Variants in DLGAP2 observed in about 807,000 individuals in gnomAD.
DLGAP2 encodes DLG associated protein 2.
Under a neutral mutation model 100.3 loss-of-function variants are expected in DLGAP2, and 26 were observed. That is an observed-to-expected ratio of 0.26 (90% CI 0.19 to 0.36). The LOEUF (loss-of-function observed/expected upper bound fraction) is 0.36, where lower values mean the gene tolerates loss of function less well. Ranked by LOEUF, DLGAP2 falls within the 10% of genes least tolerant of loss-of-function variation. DLGAP2 has a pLI of 1.00. For synonymous variants in DLGAP2, 886 were observed against 630.1 expected, an observed-to-expected ratio of 1.41 and a Z score of -6.08; for missense variants, 1,858 against 1,453.2, an observed-to-expected ratio of 1.28 and a Z score of -4.53.
intron 5 of DLGAP2, among the ~76,000 whole-genome samples, chr8:1,560,461 T>C (rs1362809077): frequency 2.0e-5 from 3 of 152,162 alleles, no homozygotes; most frequent in African/African-American, 4.8e-5. Context: ...TTGTAAGCCA[T>C]CCCCTATGAT....
chr8:1,255,038 A>T lies in DLGAP2; in HGVS notation c.74-3813A>T, dbSNP rs113524354. Among the ~76,000 whole-genome samples the T allele has an allele frequency of 1.2e-3, 116 of 99,572 alleles. 4 individuals carry two copies. The highest frequency in any genetic ancestry group is 6.7e-3 in the Middle Eastern group (1 of 150). The allele number at this position is 99,572 out of a possible 152,430, so 65.3% of individuals were successfully genotyped here. ...GCTGTGTGTGTGTCTTCTCCTGCCCAGCCGCTGTGTGTGTGTCCTCTCATC... is the reference window on the plus strand; with the variant it reads ...GCTGTGTGTGTGTCTTCTCCTGCCCTGCCGCTGTGTGTGTGTCCTCTCATC... On this transcript the variant is annotated intron_variant, in intron 2 of 14. Coordinates refer to ENST00000637795, the MANE Select transcript of DLGAP2 (RefSeq NM_001346810.2).
chr8:1,422,419 G>A (rs140485592), intron 3 of DLGAP2, among the ~76,000 whole-genome samples: 2 of 152,320 alleles, frequency 1.3e-5, no homozygotes, highest in South Asian at 4.1e-4. Context: ...AGGGAGAAAA[G>A]CGAAGATGGC....
At chr8:1,295,521 C>T (rs1183034399) in intron 3 of DLGAP2, among the ~76,000 whole-genome samples, 1 of 152,190 alleles carries the variant, frequency 6.6e-6, no homozygotes, top group African/African-American at 2.4e-5. Context: ...TGGAGCACCC[C>T]AGCCATCCTG....
Position 1,173,427 on chromosome 8 carries a change from C to T in DLGAP2, c.74-85424C>T, listed in dbSNP as rs557305723. On this transcript the variant is annotated intron_variant, in intron 2 of 14. Coordinates refer to ENST00000637795, the MANE Select transcript of DLGAP2 (RefSeq NM_001346810.2). ...TCTCTTCAAAGCTGTCAGACAGGGA[C>T]ATTTAAGTCTGCAGAGGCTACTGCT... is the stretch of plus-strand genomic sequence containing the variant. Among the ~76,000 whole-genome samples, 7 of 152,328 alleles carry T rather than the reference C, an allele frequency of 4.6e-5. No individual in the cohort carries two copies. In the East Asian group the frequency reaches 9.7e-4, roughly 21 times the overall value.
At chr8:1,214,907 C>T (rs954534962) in intron 2 of DLGAP2, among the ~76,000 whole-genome samples, 1 of 152,222 alleles carries the variant, frequency 6.6e-6, no homozygotes, top group African/African-American at 2.4e-5. Flanking sequence ...TTAATTGGGG[C>T]AGTTGCTTCC....
At chr8:1,233,182 A>T (rs1301387807) in intron 2 of DLGAP2, among the ~76,000 whole-genome samples, 6 of 152,138 alleles carry the variant, frequency 3.9e-5, no homozygotes, top group African/African-American at 1.4e-4. Context: ...CATTGTATTT[A>T]TCTGTTTGTC....
intron 3 of DLGAP2, chr8:1,262,520 C>T (rs1474848562): frequency 1.3e-5 from 2 of 152,084 alleles, no homozygotes; most frequent in Admixed American, 6.6e-5. Context: ...AATGCAGTTT[C>T]TACAGGGTTC....
Position 1,632,975 on chromosome 8 carries a change from A to T in DLGAP2, c.1739A>T (p.Tyr580Phe). 2 of 1,613,828 alleles carry T rather than the reference A, an allele frequency of 1.2e-6. No homozygotes were observed. The highest frequency in any genetic ancestry group is 1.7e-6 in the Non-Finnish European group (2 of 1,179,878). Residue 580 changes from tyrosine to phenylalanine, a missense_variant, in exon 8 of 15, where the codon TAC (tyrosine) becomes TTC (phenylalanine). By Grantham distance (22) the Tyr-to-Phe change is conservative. Transcript: ENST00000637795. Reference protein sequence around the residue: ...HSYLRAIQAGYSQDDECIPMM... With the variant: ...HSYLRAIQAGFSQDDECIPMM... ...TACCTTCGAGCCATTCAAGCCGGCT[A>T]CTCCCAAGATGACGAATGTATTCCC...
At chr8:1,655,790 G>C (rs532738112) in intron 8 of DLGAP2, among the ~76,000 whole-genome samples, 6 of 152,338 alleles carry the variant, frequency 3.9e-5, no homozygotes, top group African/African-American at 1.4e-4. Flanking sequence ...TTCATGATCA[G>C]AGTCCTCTGC....
intron 2 of DLGAP2, among the ~76,000 whole-genome samples, chr8:1,184,031 A>G (rs1163424842): frequency 1.3e-5 from 2 of 152,228 alleles, no homozygotes; most frequent in African/African-American, 4.8e-5. Flanking sequence ...ATATTATATG[A>G]TGGTCATAGA....
intron 3 of DLGAP2, among the ~76,000 whole-genome samples, chr8:1,260,797 G>C (rs1007688187): frequency 6.6e-6 from 1 of 152,222 alleles, no homozygotes; most frequent in African/African-American, 2.4e-5. Flanking sequence ...GGCTGGCGCA[G>C]GCTGACTTGA....
chr8:1,159,615 A>C (rs1270571842), intron 2 of DLGAP2, among the ~76,000 whole-genome samples: 1 of 152,328 alleles, frequency 6.6e-6, no homozygotes, highest in Admixed American at 6.5e-5. Context: ...ACAACAGAGA[A>C]AGAATACCTG....
chr8:1,344,378 C>A (rs113069846), intron 3 of DLGAP2, among the ~76,000 whole-genome samples: 4 of 152,198 alleles, frequency 2.6e-5, no homozygotes, highest in African/African-American at 9.6e-5. Context: ...AGCTGTGAAT[C>A]CTCCAGAGAG....
intron 3 of DLGAP2, among the ~76,000 whole-genome samples, chr8:1,294,546 G>A (rs1000548283): frequency 7.2e-5 from 11 of 152,206 alleles, no homozygotes; most frequent in African/African-American, 2.7e-4. Flanking sequence ...TTTACAGCGA[G>A]GATGGTGTGG....
chr8:1,243,444 C>T (rs991215596), intron 2 of DLGAP2, among the ~76,000 whole-genome samples: 1 of 152,188 alleles, frequency 6.6e-6, no homozygotes, highest in African/African-American at 2.4e-5. Flanking sequence ...CATCTGAGGC[C>T]AGATGTTCTG....
intron 1 of DLGAP2, among the ~76,000 whole-genome samples, chr8:751,010 C>T (rs916439677): frequency 6.6e-6 from 1 of 152,196 alleles, no homozygotes; most frequent in Non-Finnish European, 1.5e-5. Flanking sequence ...TGTCGGTAGG[C>T]ACGCTGATCT....
intron 3 of DLGAP2, among the ~76,000 whole-genome samples, chr8:1,360,804 G>A (rs553236543): frequency 6.6e-6 from 1 of 152,260 alleles, no homozygotes; most frequent in East Asian, 1.9e-4. Flanking sequence ...CCAGAGGCAC[G>A]AGGAAACAGT....
At chr8:1,658,829 C>T (rs1379451810) in intron 8 of DLGAP2, among the ~76,000 whole-genome samples, 4 of 152,086 alleles carry the variant, frequency 2.6e-5, no homozygotes, top group Non-Finnish European at 4.4e-5. Context: ...TCTCTATCTC[C>T]TTCAGTTCTG....
chr8:1,255,071 G>C (rs1585196733), intron 2 of DLGAP2, among the ~76,000 whole-genome samples: 1 of 141,984 alleles, frequency 7.0e-6, no homozygotes, highest in South Asian at 2.4e-4. Context: ...ATCCTGCCCG[G>C]CCGCTGTGTG....
Sources: gnomAD v4.1 joint callset for allele counts (sites outside exome capture counted in the v4.1 genomes callset) on GRCh38, gnomAD v4.1.1 for gene constraint, MANE v1.5 for transcripts, NCBI Gene and HGNC (gene_info 2026-07-23, HGNC 2026-07-21) for gene names.